Variants in SMCHD1 observed in about 807,000 individuals in gnomAD.
SMCHD1 encodes structural maintenance of chromosomes flexible hinge domain-containing protein 1.
Under a neutral mutation model 254.7 loss-of-function variants are expected in SMCHD1, and 78 were observed. The observed-to-expected ratio is 0.31, with a 90% confidence interval of 0.26 to 0.37. The LOEUF (loss-of-function observed/expected upper bound fraction) is 0.37, where lower values mean the gene tolerates loss of function less well. SMCHD1 is among the 10% of genes least tolerant of loss of function. The pLI, the probability that SMCHD1 is intolerant of heterozygous loss-of-function variation, is 1.00. For synonymous variants in SMCHD1, 766 were observed against 794.9 expected, an observed-to-expected ratio of 0.96 and a Z score of 0.61; for missense variants, 1,840 against 2,408.1, an observed-to-expected ratio of 0.76 and a Z score of 4.94.
Position 2,673,106 on chromosome 18 carries a change from T to C in SMCHD1, c.425-175T>C, listed in dbSNP as rs989871536. ...TACTGATTGATGACTGCTTTTTTGA[T>C]GCTGGTGGTGATTGGTGATGATGCC... On this transcript the variant is annotated intron_variant, in intron 3 of 47. Transcript: ENST00000320876. 6.1e-6 allele frequency: 6 copies of C among 985,306 alleles called. No individual in the cohort carries two copies. The African/African-American group carries it at 1.0e-4, about 17-fold the overall frequency. The allele number at this position is 985,306 out of a possible 1,614,324, so 61.0% of individuals were successfully genotyped here.
At chr18:2,722,833 T>C (rs547603905) in intron 20 of SMCHD1, among the ~76,000 whole-genome samples, 170 bp downstream of exon 20, 19 of 152,238 alleles carry the variant, frequency 1.2e-4, no homozygotes, top group Non-Finnish European at 1.0e-4. Context: ...CTGTGACTAG[T>C]GTCATATATA....
intron 40 of SMCHD1, among the ~76,000 whole-genome samples, chr18:2,772,015 A>T (rs1277927880): frequency 1.3e-5 from 2 of 152,118 alleles, no homozygotes; most frequent in East Asian, 3.8e-4. Context: ...TTCTTGGCTA[A>T]GATTTTTTTA....
chr18:2,728,084 G>A (rs759469488), intron 22 of SMCHD1, among the ~76,000 whole-genome samples: 2 of 151,940 alleles, frequency 1.3e-5, no homozygotes. Flanking sequence ...AGTTACTTGT[G>A]CCAGAAAAAT....
At chr18:2,709,195 A>G (rs1193939136) in intron 17 of SMCHD1, among the ~76,000 whole-genome samples, 2 of 138,362 alleles carry the variant, frequency 1.4e-5, no homozygotes, top group Admixed American at 7.7e-5. Context: ...TTAAGGTTGA[A>G]TAATATTCCC....
At chr18:2,684,477 A>G (rs1390298390) in intron 5 of SMCHD1, among the ~76,000 whole-genome samples, 1 of 151,854 alleles carries the variant, frequency 6.6e-6, no homozygotes, top group African/African-American at 2.4e-5. Context: ...CAACCTCTTA[A>G]CCTATTGTCT....
chr18:2,676,248 A>G (rs2073746082), intron 5 of SMCHD1, among the ~76,000 whole-genome samples: 1 of 152,230 alleles, frequency 6.6e-6, no homozygotes, highest in South Asian at 2.1e-4. Flanking sequence ...AAAAAATTAC[A>G]TGTAAAAGCA....
chr18:2,755,641 C>T (rs1373209487), intron 34 of SMCHD1, among the ~76,000 whole-genome samples: 6 of 137,590 alleles, frequency 4.4e-5, no homozygotes, highest in Non-Finnish European at 7.6e-5. Context: ...GATCTTGGCT[C>T]ACTGCAAGCT....
At chr18:2,703,585 CTGAAT>C in intron 12 of SMCHD1, 102 bp from the exon 13 acceptor site, 1 of 825,238 alleles carries the variant, frequency 1.2e-6, no homozygotes, top group African/African-American at 1.8e-5. Context: ...ATTAGGTTTT[CTGAAT>C]TGGAGTATAT....
intron 1 of SMCHD1, among the ~76,000 whole-genome samples, chr18:2,662,737 G>A (rs1367744133): frequency 7.0e-6 from 1 of 142,446 alleles, no homozygotes; most frequent in African/African-American, 2.6e-5. Flanking sequence ...AAAAATACAC[G>A]ACTGTCATGG....
chr18:2,689,621 T>G (rs2143063803), intron 7 of SMCHD1, among the ~76,000 whole-genome samples: 1 of 152,104 alleles, frequency 6.6e-6, no homozygotes, highest in East Asian at 1.9e-4. Context: ...TAGAGTGTAG[T>G]GGTGCTATCA....
chr18:2,756,963 A>G (rs28634116), intron 34 of SMCHD1, among the ~76,000 whole-genome samples: 5 of 152,136 alleles, frequency 3.3e-5, no homozygotes, highest in African/African-American at 1.2e-4. Context: ...TAGATCTTTT[A>G]AAGAACAAAC....
At chr18:2,729,946 A>G (rs1013856845) in intron 24 of SMCHD1, among the ~76,000 whole-genome samples, 4 of 152,224 alleles carry the variant, frequency 2.6e-5, no homozygotes, top group Non-Finnish European at 2.9e-5. Context: ...CTTCCTGTCC[A>G]CAAGCAGTCT....
chr18:2,792,513 TATCCACTGGGGGTTTCAGAC>T (rs1363193951), intron 45 of SMCHD1, among the ~76,000 whole-genome samples: 2 of 152,196 alleles, frequency 1.3e-5, no homozygotes, highest in Admixed American at 6.5e-5. Flanking sequence ...GGTTCAGTAG[TATCCACTGGGGGTTTCAGAC>T]ATCCACTGGG....
intron 25 of SMCHD1, among the ~76,000 whole-genome samples, chr18:2,734,404 G>A (rs959724988): frequency 2.4e-4 from 36 of 152,106 alleles, no homozygotes; most frequent in African/African-American, 8.7e-4. Flanking sequence ...GACACATTTT[G>A]CCTCTAATTT....
At chr18:2,717,106 C>T (rs989041655) in intron 17 of SMCHD1, among the ~76,000 whole-genome samples, 9 of 152,270 alleles carry the variant, frequency 5.9e-5, no homozygotes, top group South Asian at 2.1e-4. Flanking sequence ...CTGTGCAGCC[C>T]GCTGTGACTT....
chr18:2,756,465 C>T (rs1271777139), intron 34 of SMCHD1, among the ~76,000 whole-genome samples: 2 of 152,116 alleles, frequency 1.3e-5, no homozygotes, highest in Non-Finnish European at 2.9e-5. Flanking sequence ...GATTCATCAA[C>T]GAAGCCATCT....
At chr18:2,751,603 T>A (rs531324978) in intron 33 of SMCHD1, among the ~76,000 whole-genome samples, 2 of 152,294 alleles carry the variant, frequency 1.3e-5, no homozygotes, top group Non-Finnish European at 2.9e-5. Context: ...TACATTGTGA[T>A]GTTTCTTAAC....
Position 2,762,124 on chromosome 18 carries a change from C to G in SMCHD1, c.4454C>G (p.Pro1485Arg), listed in dbSNP as rs1323380695. 1 of 1,613,436 alleles carries G rather than the reference C, an allele frequency of 6.2e-7. No individual in the cohort carries two copies. The highest frequency in any genetic ancestry group is 1.7e-5 in the Admixed American group (1 of 59,982). The stretch of plus-strand genomic sequence containing the variant: ...TGTAAGGTTATAGTTGAAGTCCTGC[C>G]TAATCAACCTGTGAAGTTAGTACCT... Reference protein sequence around the residue: ...NSEQVIVEVLPNQPVKLVPKI... With the variant: ...NSEQVIVEVLRNQPVKLVPKI... The change falls in exon 36 of 48, where the codon CCT becomes CGT. Residue 1485 changes from proline to arginine, a missense_variant. Pro to Arg is a moderately radical substitution (Grantham distance 103). Transcript: ENST00000320876.
intron 1 of SMCHD1, among the ~76,000 whole-genome samples, chr18:2,660,551 G>A (rs549215111): frequency 1.7e-3 from 242 of 142,088 alleles, no homozygotes; most frequent in African/African-American, 6.3e-3. Context: ...TTGGCTCACT[G>A]CAACCTCCGC....
Sources: gnomAD v4.1 joint callset for allele counts (sites outside exome capture counted in the v4.1 genomes callset) on GRCh38, gnomAD v4.1.1 for gene constraint, MANE v1.5 for transcripts, NCBI Gene and HGNC (gene_info 2026-07-23, HGNC 2026-07-21) for gene names.